GLCE: variants seen among roughly 807,000 people sequenced by gnomAD.
The protein encoded by GLCE is glucuronic acid epimerase.
Under a neutral mutation model 47.9 loss-of-function variants are expected in GLCE, and 19 were observed. That is an observed-to-expected ratio of 0.40 (90% confidence interval 0.28 to 0.58). GLCE has a LOEUF of 0.58. GLCE is among the 20% of genes least tolerant of loss of function. GLCE has a pLI of 0.48. For missense variants in GLCE, 556 were observed against 743.3 expected, an observed-to-expected ratio of 0.75 and a Z score of 2.93; for synonymous variants, 245 against 263.4, an observed-to-expected ratio of 0.93 and a Z score of 0.68.
chr15:69,161,714 G>A (rs1019124622), intron 1 of GLCE, among the ~76,000 whole-genome samples: 4 of 152,228 alleles, frequency 2.6e-5, no homozygotes, highest in Admixed American at 6.5e-5. Context: ...TGAAGAAGCA[G>A]TGCGTTTGTT....
At chr15:69,255,726 G>T in intron 2 of GLCE, 68 bp from the exon 3 acceptor site, 55 of 824,634 alleles carry the variant, frequency 6.7e-5, no homozygotes, top group Non-Finnish European at 8.9e-5. Flanking sequence ...AAAAAGCAAA[G>T]AAAACTTTAT....
chr15:69,247,617 A>C (rs2052771208), intron 2 of GLCE, among the ~76,000 whole-genome samples: 1 of 152,250 alleles, frequency 6.6e-6, no homozygotes, highest in African/African-American at 2.4e-5. Flanking sequence ...GGCTTTAGAC[A>C]TGCCCTCCTC....
chr15:69,258,153 T>A (rs2017983), intron 3 of GLCE, among the ~76,000 whole-genome samples: 1 of 151,846 alleles, frequency 6.6e-6, no homozygotes, highest in Non-Finnish European at 1.5e-5. Context: ...CCACCTACCC[T>A]CTACCCTCCA....
intron 1 of GLCE, among the ~76,000 whole-genome samples, chr15:69,171,544 C>T (rs2051589171): frequency 6.6e-6 from 1 of 151,848 alleles, no homozygotes; most frequent in African/African-American, 2.4e-5. Flanking sequence ...TTACAGGCGC[C>T]TGCCACCATG....
chr15:69,257,161 G>T (rs1371955022), intron 3 of GLCE, among the ~76,000 whole-genome samples: 1 of 152,226 alleles, frequency 6.6e-6, no homozygotes, highest in Middle Eastern at 3.4e-3. Flanking sequence ...AAAGAAGTTT[G>T]TGCTCACTTG....
chr15:69,228,638 G>A (rs1484969781), intron 2 of GLCE, among the ~76,000 whole-genome samples: 1 of 152,162 alleles, frequency 6.6e-6, no homozygotes, highest in African/African-American at 2.4e-5. Context: ...AAATGTAAAT[G>A]GTTTAAATAT....
chr15:69,234,548 T>C (rs553839286), intron 2 of GLCE, among the ~76,000 whole-genome samples: 31 of 152,300 alleles, frequency 2.0e-4, no homozygotes, highest in African/African-American at 7.2e-4. Flanking sequence ...ATGGAATATA[T>C]TTATATGCCT....
At chr15:69,171,141 T>G (rs954719196) in intron 1 of GLCE, among the ~76,000 whole-genome samples, 13 of 151,972 alleles carry the variant, frequency 8.6e-5, no homozygotes, top group African/African-American at 2.9e-4. Flanking sequence ...CAAATAAAAT[T>G]ATTCATTTAC....
intron 4 of GLCE, among the ~76,000 whole-genome samples, chr15:69,264,302 A>G (rs2053055238): frequency 1.3e-5 from 2 of 151,960 alleles, no homozygotes; most frequent in African/African-American, 2.4e-5. Context: ...AGGTTCGTCT[A>G]TGTTGTCACA....
Position 69,271,108 on chromosome 15 carries a change from G to A in GLCE, c.*1864G>A, listed in dbSNP as rs1034977975. On this transcript the variant is annotated 3_prime_UTR_variant, in exon 5 of 5. Coordinates refer to ENST00000261858, the MANE Select transcript of GLCE (RefSeq NM_015554.3). ...TTATGAGACTCGATGATAACAGTAT[G>A]GTACTGCTTCTGTGACAAATATCGT... The A allele has an allele frequency of 6.6e-6, 1 of 152,600 alleles. No individual in the cohort carries two copies. Among genetic ancestry groups the A allele is most frequent in the African/African-American group, 2.4e-5 (1 of 41,430 alleles). The allele number at this position is 152,600 out of a possible 1,614,324, so 9.5% of individuals were successfully genotyped here.
intron 1 of GLCE, among the ~76,000 whole-genome samples, chr15:69,175,202 C>T (rs2051644628): frequency 6.6e-6 from 1 of 151,886 alleles, no homozygotes; most frequent in Admixed American, 6.6e-5. Flanking sequence ...GTAAAATTTA[C>T]AAATAATAGT....
chr15:69,255,720 AGC>A, intron 2 of GLCE, 72 bp from the exon 3 acceptor site: 1 of 865,822 alleles, frequency 1.2e-6, no homozygotes, highest in Non-Finnish European at 1.8e-6. Flanking sequence ...AAAAAAAAAA[AGC>A]AAAGAAAACT....
intron 1 of GLCE, among the ~76,000 whole-genome samples, chr15:69,164,908 G>A (rs1221684119): frequency 2.0e-5 from 3 of 152,022 alleles, no homozygotes; most frequent in Admixed American, 1.3e-4. Context: ...TATAGAATGA[G>A]GTCTCTAGTG....
Position 69,268,981 on chromosome 15 carries a change from G to A in GLCE, c.1591G>A (p.Gly531Arg), listed in dbSNP as rs368338173. 38 of 1,614,018 alleles carry A rather than the reference G, an allele frequency of 2.4e-5. No individual in the cohort carries two copies. Among genetic ancestry groups the A allele is most frequent in the South Asian group, 4.4e-5 (4 of 91,084 alleles). The change falls in exon 5 of 5, where the codon GGA (glycine) becomes AGA (arginine). Residue 531 changes from glycine to arginine, a missense_variant. This residue lies in a region of GLCE where 245 missense variants were observed against 368.1 expected (regional missense o/e 0.67). Coordinates refer to ENST00000261858, the MANE Select transcript of GLCE (RefSeq NM_015554.3). ...AAAAGAAACTGCAGGGGAAAAACTC[G>A]GAAAAGAAGCAAGGTCCTTGTATGA... is the stretch of plus-strand genomic sequence containing the variant. ...DLKETAGEKL[G>R]KEARSLYERG... is the part of the protein sequence containing the mutation.
At chr15:69,200,353 T>G (rs2140362513) in intron 1 of GLCE, among the ~76,000 whole-genome samples, 1 of 152,312 alleles carries the variant, frequency 6.6e-6, no homozygotes, top group South Asian at 2.1e-4. Flanking sequence ...CACACTGGGT[T>G]GTTTAATTAC....
Position 69,210,416 on chromosome 15 carries a change from T to G in GLCE, c.-14+10T>G, listed in dbSNP as rs1437387236. 6.6e-6 allele frequency: 1 copy of G among 152,142 alleles called. No individual in the cohort carries two copies. The highest frequency in any genetic ancestry group is 2.4e-5 in the African/African-American group (1 of 41,444). The allele number at this position is 152,142 out of a possible 1,614,324, so 9.4% of individuals were successfully genotyped here. A position where few individuals can be genotyped will look rare whatever the true frequency, so the allele number is the denominator to read the frequency against. ...CTTTCATTTGATTAAGGTAAGATTG[T>G]TTGATAAAATTTAATCATACCTTTA... On this transcript the variant is annotated intron_variant, in intron 2 of 4. Transcript: ENST00000261858.
At chr15:69,202,008 C>T (rs1368101596) in intron 1 of GLCE, among the ~76,000 whole-genome samples, 1 of 152,004 alleles carries the variant, frequency 6.6e-6, no homozygotes, top group African/African-American at 2.4e-5. Context: ...TAGCCTTGAC[C>T]TCCTCAGCTC....
chr15:69,244,943 A>C (rs1566967009), intron 2 of GLCE, among the ~76,000 whole-genome samples: 1 of 152,218 alleles, frequency 6.6e-6, no homozygotes, highest in Admixed American at 6.5e-5. Flanking sequence ...CAATAAAGTG[A>C]CTCACACACA....
chr15:69,205,413 G>C (rs2052136487), intron 1 of GLCE, among the ~76,000 whole-genome samples: 2 of 152,088 alleles, frequency 1.3e-5, no homozygotes, highest in Admixed American at 6.6e-5. Flanking sequence ...GGACATTTGA[G>C]TTGTTTCCAG....
Sources: allele counts gnomAD v4.1 joint callset (sites outside exome capture counted in the v4.1 genomes callset), GRCh38; gene constraint gnomAD v4.1.1; regional missense constraint gnomAD v4.1.1; transcripts MANE v1.5; gene names NCBI Gene and HGNC (gene_info 2026-07-23, HGNC 2026-07-21).